Variants in RBFOX1 observed in about 807,000 individuals in gnomAD.
RBFOX1 encodes the protein RNA binding fox-1 homolog 1.
In RBFOX1, 8 loss-of-function variants were observed where a neutral mutation model predicts 57.7. That is an observed-to-expected ratio of 0.14 (90% CI 0.08 to 0.25). The LOEUF is 0.25. Among genes scored for constraint, RBFOX1 ranks in the 10% least tolerant of loss-of-function variants. The pLI is 1.00. For missense variants in RBFOX1, 611 were observed against 548.5 expected (o/e 1.11, Z -1.14); for synonymous variants, 326 against 222.4 (o/e 1.47, Z -4.15).
intron 1 of RBFOX1, among the ~76,000 whole-genome samples, chr16:6,069,785 G>C (rs2095813179): frequency 6.6e-6 from 1 of 152,058 alleles, no homozygotes; most frequent in Non-Finnish European, 1.5e-5. Context: ...TCAGGAGTTT[G>C]AGACCAGCCT....
intron 1 of RBFOX1, among the ~76,000 whole-genome samples, chr16:6,287,566 G>C (rs2077024944): frequency 6.6e-6 from 1 of 152,124 alleles, no homozygotes; most frequent in African/African-American, 2.4e-5. Context: ...ACACAGGGCA[G>C]TGCCTGATTC....
At chr16:5,328,880 C>T (rs575982916) in intron 1 of RBFOX1, among the ~76,000 whole-genome samples, 2 of 152,324 alleles carry the variant, frequency 1.3e-5, no homozygotes, top group Non-Finnish European at 2.9e-5. Context: ...ATTAGGCTGC[C>T]TTGATTCCGG....
intron 3 of RBFOX1, among the ~76,000 whole-genome samples, chr16:6,818,664 C>G (rs371602424): frequency 6.6e-6 from 1 of 152,122 alleles, no homozygotes; most frequent in Non-Finnish European, 1.5e-5. Flanking sequence ...TTCCCCCCTT[C>G]TTCTGGTAAA....
At chr16:5,309,539 T>C (rs189266707) in intron 1 of RBFOX1, among the ~76,000 whole-genome samples, 3 of 152,238 alleles carry the variant, frequency 2.0e-5, no homozygotes, top group African/African-American at 4.8e-5. Context: ...ACTTAGGGGG[T>C]ACAAGTGCCA....
chr16:6,535,785 A>T (rs1256272143), intron 2 of RBFOX1, among the ~76,000 whole-genome samples: 1 of 152,196 alleles, frequency 6.6e-6, no homozygotes, highest in African/African-American at 2.4e-5. Context: ...TGTGTATTTA[A>T]TTAGTCACTG....
chr16:6,332,057 T>C (rs754111691), intron 2 of RBFOX1, among the ~76,000 whole-genome samples: 17 of 152,116 alleles, frequency 1.1e-4, no homozygotes, highest in Admixed American at 2.6e-4. Flanking sequence ...GTAACACCAA[T>C]GGGGTGTGAG....
intron 2 of RBFOX1, among the ~76,000 whole-genome samples, chr16:6,506,707 G>C (rs1410911676): frequency 8.1e-6 from 1 of 123,158 alleles, no homozygotes; most frequent in Non-Finnish European, 1.6e-5. Flanking sequence ...GAGTACAGTG[G>C]CTTCATCTTG....
Position 6,019,395 on chromosome 16 carries a change from C to G in RBFOX1, c.-724C>G, listed in dbSNP as rs1169120282. The G allele has an allele frequency of 1.0e-6, 1 of 986,040 alleles. No individual in the cohort carries two copies. Among genetic ancestry groups the G allele is most frequent in the Non-Finnish European group, 1.2e-6 (1 of 830,578 alleles). The allele number at this position is 986,040 out of a possible 1,614,324, so 61.1% of individuals were successfully genotyped here. On this transcript the variant is annotated 5_prime_UTR_variant, in exon 1 of 16. Transcript: ENST00000550418. The surrounding 1 kb of genome is among the most constrained non-coding windows in gnomAD (Gnocchi z 4.2). ...CGCTGCCCTGAAGTGGTTCTCCAAG[C>G]AGCGCGGAGGGTGGCGGACGGCGGA...
At chr16:6,796,711 C>T (rs748750744) in intron 3 of RBFOX1, among the ~76,000 whole-genome samples, 5 of 152,134 alleles carry the variant, frequency 3.3e-5, no homozygotes, top group Admixed American at 3.3e-4. Context: ...TTTTGATGAA[C>T]TTTCTCTCCT....
chr16:5,822,558 G>C (rs2343252), intron 3 of RBFOX1, among the ~76,000 whole-genome samples: 112,821 of 152,216 alleles, frequency 0.74, 42,695 homozygotes, highest in African/African-American at 0.9. Flanking sequence ...GCTACAAATA[G>C]TATATTGTGC....
At chr16:7,375,518 T>G (rs1004817562) in intron 4 of RBFOX1, among the ~76,000 whole-genome samples, 2 of 151,970 alleles carry the variant, frequency 1.3e-5, no homozygotes, top group African/African-American at 4.8e-5. Context: ...TTTTTTTTTT[T>G]TTAATCATCA....
intron 1 of RBFOX1, among the ~76,000 whole-genome samples, chr16:6,056,480 T>G (rs1208036875): frequency 6.6e-6 from 1 of 152,208 alleles, no homozygotes; most frequent in Non-Finnish European, 1.5e-5. Context: ...ACTGGATCTT[T>G]ATCAAGGTCA....
At chr16:5,611,542 C>T (rs2047786283) in intron 3 of RBFOX1, 1 of 152,166 alleles carries the variant, frequency 6.6e-6, no homozygotes, top group Admixed American at 6.5e-5. Context: ...CTTTGCACTT[C>T]TGTGTACTCA....
chr16:6,013,282 G>C (rs1476458025), intron 4 of RBFOX1, among the ~76,000 whole-genome samples: 1 of 152,164 alleles, frequency 6.6e-6, no homozygotes. Context: ...CTAAATCAAA[G>C]ACACAGCTTA....
chr16:7,528,354 C>G (rs1284536097), intron 5 of RBFOX1, among the ~76,000 whole-genome samples: 2 of 152,210 alleles, frequency 1.3e-5, no homozygotes, highest in Admixed American at 6.5e-5. Context: ...TGGTTAGGTC[C>G]TTCAAACACC....
At chr16:7,351,958 C>G (rs747041650) in intron 4 of RBFOX1, among the ~76,000 whole-genome samples, 13 of 152,112 alleles carry the variant, frequency 8.5e-5, no homozygotes, top group Admixed American at 6.6e-5. Context: ...GACTTTGATG[C>G]CATTTTTTGG....
intron 4 of RBFOX1, among the ~76,000 whole-genome samples, chr16:7,507,708 C>T (rs1306773728): frequency 4.6e-5 from 7 of 151,628 alleles, no homozygotes; most frequent in Non-Finnish European, 8.8e-5. Flanking sequence ...GGACTACAGG[C>T]GCCCACCACC....
At chr16:6,675,922 G>C (rs1342803359) in intron 3 of RBFOX1, among the ~76,000 whole-genome samples, 1 of 111,566 alleles carries the variant, frequency 9.0e-6, no homozygotes, top group East Asian at 2.4e-4. Context: ...TGTGGTATTT[G>C]TCCAGGCCTG....
At position 5,346,996 on chromosome 16, in the gene RBFOX1, CT is replaced by C. The variant is rs367661590; in HGVS notation, c.219+106902del. Among the ~76,000 whole-genome samples, 695 of 147,424 alleles carry C rather than the reference CT, an allele frequency of 4.7e-3. 8 individuals carry two copies. Among genetic ancestry groups the C allele is most frequent in the African/African-American group, 0.015 (616 of 40,430 alleles). On this transcript the variant is annotated intron_variant, in intron 1 of 2. Coordinates refer to the RBFOX1 transcript ENST00000585867. ...ATTGGTCGCTCTGTCTGCCTGGAAA[CT>C]TTTTTTTTTTGCTAACACACCTACT...
Sources: gnomAD v4.1 joint callset for allele counts (sites outside exome capture counted in the v4.1 genomes callset) on GRCh38, gnomAD v4.1.1 for gene constraint, Gnocchi (gnomAD v3.1) non-coding constraint, MANE v1.5 for transcripts, NCBI Gene and HGNC (gene_info 2026-07-23, HGNC 2026-07-21) for gene names.